The following ANKS1A variants were observed in gnomAD, a reference collection of about 807,000 sequenced individuals.
The protein encoded by ANKS1A is ankyrin repeat and sterile alpha motif domain containing 1A, also known as ankyrin repeat and SAM domain-containing protein 1A.
A neutral mutation model predicts 120.3 loss-of-function variants in ANKS1A; 55 were observed. That is an observed-to-expected ratio of 0.46 (90% confidence interval 0.37 to 0.57). ANKS1A has a LOEUF of 0.57. Ranked by LOEUF, ANKS1A falls within the 20% of genes least tolerant of loss-of-function variation. The pLI is 0.00. For synonymous variants in ANKS1A, 590 were observed against 604.7 expected (o/e 0.98, Z 0.36); for missense variants, 1,123 against 1,480.3 (o/e 0.76, Z 3.96).
intron 9 of ANKS1A, among the ~76,000 whole-genome samples, chr6:34,991,472 G>A (rs1333909557): frequency 6.6e-6 from 1 of 150,890 alleles, no homozygotes; most frequent in Non-Finnish European, 1.5e-5. Context: ...CTGTTAGGTG[G>A]TGACTGCTCA....
chr6:35,021,578 A>G (rs964033197), intron 11 of ANKS1A, among the ~76,000 whole-genome samples: 5 of 152,222 alleles, frequency 3.3e-5, no homozygotes, highest in African/African-American at 1.2e-4. Context: ...ACTGCCTAGC[A>G]CAGTTCCTAG....
intron 11 of ANKS1A, among the ~76,000 whole-genome samples, chr6:35,051,063 A>T (rs1236763517): frequency 6.6e-6 from 1 of 152,134 alleles, no homozygotes; most frequent in Non-Finnish European, 1.5e-5. Flanking sequence ...TTTCTGGGTC[A>T]GGCACCTGTA....
At chr6:35,045,864 G>A (rs1478928407) in intron 11 of ANKS1A, among the ~76,000 whole-genome samples, 1 of 152,170 alleles carries the variant, frequency 6.6e-6, no homozygotes, top group African/African-American at 2.4e-5. Context: ...CACCCTGCAA[G>A]TCTTGAGTTT....
In ANKS1A at chr6:35,081,100, GCCATGACAGTCT is replaced by G; in HGVS notation, c.2659_2670del (p.Ser887_Asp890del). 2 of 1,613,616 alleles carry G rather than the reference GCCATGACAGTCT, an allele frequency of 1.2e-6. No individual in the cohort carries two copies. The highest frequency in any genetic ancestry group is 1.7e-6 in the Non-Finnish European group (2 of 1,179,958). On this transcript the variant is annotated inframe_deletion, in exon 17 of 24. Coordinates refer to ENST00000360359, the MANE Select transcript of ANKS1A (RefSeq NM_015245.3). ...CCTCCAGGGGACACAGGCAGGAGGCGCCATGACAGTCTCCATGACCCTGCGGCACCCTCCCGA... is the reference window on the plus strand; with the variant it reads ...CCTCCAGGGGACACAGGCAGGAGGCGCCATGACCCTGCGGCACCCTCCCGA...
intron 13 of ANKS1A, among the ~76,000 whole-genome samples, chr6:35,076,601 A>G (rs1368529580): frequency 6.6e-6 from 1 of 152,162 alleles, no homozygotes; most frequent in Non-Finnish European, 1.5e-5. Context: ...TAGGGTGGGA[A>G]TAACAACAGT....
intron 1 of ANKS1A, among the ~76,000 whole-genome samples, chr6:34,910,620 G>A (rs1767862117): frequency 6.6e-6 from 1 of 151,922 alleles, no homozygotes; most frequent in Non-Finnish European, 1.5e-5. Flanking sequence ...CAGCACTTTG[G>A]GAAGCTGAGG....
intron 1 of ANKS1A, among the ~76,000 whole-genome samples, chr6:34,896,792 C>G (rs990839114): frequency 2.0e-5 from 3 of 152,026 alleles, no homozygotes; most frequent in African/African-American, 7.2e-5. Context: ...TGGTAAAACC[C>G]CATCTCTATT....
At chr6:35,029,168 G>T (rs181410771) in intron 11 of ANKS1A, among the ~76,000 whole-genome samples, 1 of 150,670 alleles carries the variant, frequency 6.6e-6, no homozygotes, top group African/African-American at 2.4e-5. Flanking sequence ...TTTTTTAAAC[G>T]TTGTTATTGA....
intron 1 of ANKS1A, among the ~76,000 whole-genome samples, chr6:34,962,901 G>A (rs1040049432): frequency 4.1e-5 from 6 of 146,316 alleles, no homozygotes; most frequent in East Asian, 2.0e-4. Context: ...TTGCTCTGTC[G>A]CCCAGGCTGG....
intron 11 of ANKS1A, among the ~76,000 whole-genome samples, chr6:35,023,124 G>A (rs1774429492): frequency 6.6e-6 from 1 of 152,114 alleles, no homozygotes; most frequent in Admixed American, 6.6e-5. Flanking sequence ...CTCCTGGGAG[G>A]GACCTTCTCC....
At chr6:35,091,569 C>A (rs946604597), downstream of ANKS1A, among the ~76,000 whole-genome samples, 1 of 152,078 alleles carries the variant, frequency 6.6e-6, no homozygotes, top group Non-Finnish European at 1.5e-5. Context: ...CTCGCACTCT[C>A]TAACAAACAG....
chr6:34,990,365 G>A (rs546180228), intron 9 of ANKS1A, among the ~76,000 whole-genome samples: 1 of 151,898 alleles, frequency 6.6e-6, no homozygotes, highest in Non-Finnish European at 1.5e-5. Flanking sequence ...CTCATCTAAG[G>A]GTTTCTAGAT....
At chr6:34,909,702 T>C (rs1159877358) in intron 1 of ANKS1A, among the ~76,000 whole-genome samples, 1 of 152,126 alleles carries the variant, frequency 6.6e-6, no homozygotes, top group African/African-American at 2.4e-5. Flanking sequence ...ATGAGTGCTA[T>C]GAAACAGAGG....
chr6:35,071,093 T>C (rs1777064414), intron 13 of ANKS1A: 1 of 341,926 alleles, frequency 2.9e-6, no homozygotes, highest in Admixed American at 3.8e-5. Flanking sequence ...AGATAAACTC[T>C]TTCAACTAGT....
At chr6:34,915,610 G>C (rs930396776) in intron 1 of ANKS1A, among the ~76,000 whole-genome samples, 6 of 152,114 alleles carry the variant, frequency 3.9e-5, no homozygotes, top group African/African-American at 1.4e-4. Flanking sequence ...GCCTCCCAAA[G>C]GGCAGGGATT....
At chr6:35,095,376 C>G (rs1040103120), downstream of ANKS1A, among the ~76,000 whole-genome samples, 11 of 151,694 alleles carry the variant, frequency 7.3e-5, no homozygotes, top group African/African-American at 2.4e-4. Context: ...AGTTCGAGAC[C>G]AGCCTGGCCA....
intron 12 of ANKS1A, among the ~76,000 whole-genome samples, chr6:35,056,528 T>A (rs1776233228): frequency 6.6e-6 from 1 of 152,170 alleles, no homozygotes; most frequent in African/African-American, 2.4e-5. Context: ...GACCTCCTGA[T>A]CCACCCTCCT....
intron 13 of ANKS1A, among the ~76,000 whole-genome samples, chr6:35,065,336 G>A (rs141502642): frequency 3.2e-4 from 48 of 152,302 alleles, no homozygotes; most frequent in African/African-American, 1.2e-3. Flanking sequence ...TACAGTAGAA[G>A]GAACTCTGGG....
At chr6:35,073,201 C>T (rs1206992659) in intron 13 of ANKS1A, among the ~76,000 whole-genome samples, 2 of 152,214 alleles carry the variant, frequency 1.3e-5, no homozygotes, top group Admixed American at 1.3e-4. Context: ...ACACGTCACA[C>T]GTCACCTCCC....
Sources: allele counts gnomAD v4.1 joint callset (sites outside exome capture counted in the v4.1 genomes callset), GRCh38; gene constraint gnomAD v4.1.1; transcripts MANE v1.5; gene names NCBI Gene and HGNC (gene_info 2026-07-23, HGNC 2026-07-21).